The following TMEM230 variants were observed in gnomAD, a reference collection of about 807,000 sequenced individuals.
TMEM230 encodes the protein transmembrane protein 230.
TMEM230 carries 10 observed loss-of-function variants against 15.8 expected under a neutral mutation model. The observed-to-expected ratio is 0.63, with a 90% CI of 0.39 to 1.07. The LOEUF (loss-of-function observed/expected upper bound fraction) is 1.07. TMEM230 is among the 50% of genes least tolerant of loss of function. The pLI is 0.01. For missense variants in TMEM230, 165 were observed against 193.3 expected (o/e 0.85, Z 0.87); for synonymous variants, 67 against 76.9 (o/e 0.87, Z 0.68).
intron 2 of TMEM230, among the ~76,000 whole-genome samples, chr20:5,109,790 A>G (rs2090241351): frequency 2.0e-5 from 3 of 152,176 alleles, no homozygotes; most frequent in African/African-American, 7.2e-5. Flanking sequence ...AAAGTCACAT[A>G]GAGACTAGGT....
At chr20:5,088,879 G>C (rs1401546606) in intron 3 of TMEM230, among the ~76,000 whole-genome samples, 1 of 152,168 alleles carries the variant, frequency 6.6e-6, no homozygotes, top group Non-Finnish European at 1.5e-5. Flanking sequence ...CAGGTGGAAT[G>C]ATACTGTTAA....
At chr20:5,065,744 G>A (rs1267796623), downstream of TMEM230, among the ~76,000 whole-genome samples, 1 of 152,200 alleles carries the variant, frequency 6.6e-6, no homozygotes, top group African/African-American at 2.4e-5. Context: ...GAGCTCATAT[G>A]AAGGACAGGA....
chr20:5,075,921 T>C (rs112194166), intron 3 of TMEM230, among the ~76,000 whole-genome samples: 3,983 of 151,844 alleles, frequency 0.026, 162 homozygotes, highest in African/African-American at 0.088. Context: ...CTGGGCCACA[T>C]AGCAAAACAC....
At position 5,113,021 on chromosome 20, in the gene TMEM230, G is replaced by C. The variant is rs1284002570; in HGVS notation, c.8C>G (p.Pro3Arg). 9.7e-6 allele frequency: 15 copies of C among 1,548,486 alleles called. No individual in the cohort carries two copies. In the East Asian group the frequency reaches 2.0e-4, roughly 20 times the overall value. The change falls in exon 1 of 5, where the codon CCT becomes CGT. Residue 3 changes from proline to arginine, a missense_variant. Pro to Arg is a moderately radical substitution (Grantham distance 103). Transcript: ENST00000342308. ...CTCGCCCACGGTTGGCAGCGCCCAA[G>C]GTTGCATGGCATGGCCCGCTTAAGT...
At chr20:5,107,065 G>C (rs2090122682) in intron 3 of TMEM230, among the ~76,000 whole-genome samples, 1 of 152,196 alleles carries the variant, frequency 6.6e-6, no homozygotes, top group Non-Finnish European at 1.5e-5. Context: ...AATGTGGGAG[G>C]CTGAGGCAGG....
intron 3 of TMEM230, among the ~76,000 whole-genome samples, chr20:5,082,050 C>CT (rs921093760): frequency 1.8e-4 from 27 of 147,354 alleles, no homozygotes; most frequent in South Asian, 8.7e-4. Flanking sequence ...ATTTTTATGT[C>CT]TTTTTTTTTC....
intron 3 of TMEM230, among the ~76,000 whole-genome samples, chr20:5,076,712 T>C (rs7345736): frequency 0.038 from 5,449 of 144,982 alleles, 338 homozygotes; most frequent in African/African-American, 0.14. Flanking sequence ...GAGTCTTGCT[T>C]TGTTGCCCAG....
rs1600377758 is a variant in TMEM230 at position 5,100,899 on chromosome 20, A to G, written c.444T>C (p.Ile148=). ...ATCCGGGTAGGAACACCAGAATGCC[A>G]ATGATCAGCACTGGAACGGCCCGGT... The change falls in exon 5 of 5, where the codon ATT becomes ATC. Residue 148 remains isoleucine (I), a synonymous_variant. Coordinates refer to ENST00000342308, the MANE Select transcript of TMEM230 (RefSeq NM_001009923.2). The G allele has an allele frequency of 6.2e-7, 1 of 1,614,226 alleles. No individual in the cohort carries two copies. Among genetic ancestry groups the G allele is most frequent in the East Asian group, 2.2e-5 (1 of 44,890 alleles).
chr20:5,063,385 T>G (rs941021353), downstream of TMEM230, among the ~76,000 whole-genome samples: 2 of 146,396 alleles, frequency 1.4e-5, no homozygotes, highest in Non-Finnish European at 3.0e-5. Flanking sequence ...CCTCCCAGTT[T>G]CAAGCAATTC....
intron 4 of TMEM230, among the ~76,000 whole-genome samples, chr20:5,103,639 A>G (rs1478485062): frequency 6.6e-6 from 1 of 151,786 alleles, no homozygotes; most frequent in African/African-American, 2.4e-5. Flanking sequence ...TCAAAAAAAA[A>G]AAAACAAACA....
intron 3 of TMEM230, among the ~76,000 whole-genome samples, chr20:5,083,670 G>A (rs6038062): frequency 0.046 from 7,001 of 152,134 alleles, 494 homozygotes; most frequent in African/African-American, 0.16. Context: ...TAACACATTC[G>A]TTTGGATGGG....
intron 3 of TMEM230, among the ~76,000 whole-genome samples, chr20:5,085,447 C>A (rs1441857874): frequency 6.6e-6 from 1 of 152,114 alleles, no homozygotes; most frequent in East Asian, 1.9e-4. Flanking sequence ...CGCCACCATG[C>A]CCTGCTAATT....
intron 3 of TMEM230, among the ~76,000 whole-genome samples, chr20:5,088,349 CA>C (rs1233597658): frequency 6.8e-6 from 1 of 146,500 alleles, no homozygotes. Flanking sequence ...ACAATTAATT[CA>C]AACCAACCTC....
intron 4 of TMEM230, among the ~76,000 whole-genome samples, chr20:5,105,522 C>T (rs147214927): frequency 0.014 from 2,066 of 151,552 alleles, 25 homozygotes; most frequent in Middle Eastern, 0.066. Flanking sequence ...ACCTGGGAGG[C>T]GGAGGTTGCA....
At chr20:5,065,253 C>CA (rs986106311), downstream of TMEM230, among the ~76,000 whole-genome samples, 686 of 143,210 alleles carry the variant, frequency 4.8e-3, 4 homozygotes, top group African/African-American at 0.016. Flanking sequence ...CCCCATCTCT[C>CA]AAAAAAAAAA....
Position 5,106,213 on chromosome 20 carries a change from A to T in TMEM230, c.386T>A (p.Leu129Gln). 4.3e-6 allele frequency: 7 copies of T among 1,613,678 alleles called. No individual in the cohort carries two copies. Among genetic ancestry groups the T allele is most frequent in the Non-Finnish European group, 5.9e-6 (7 of 1,179,772 alleles). ...CCCTTTGCTGATGTAGCCTGACAGCAGGAGGGAGCCTATAATAATGAGAAA... is the reference window on the plus strand; with the variant it reads ...CCCTTTGCTGATGTAGCCTGACAGCTGGAGGGAGCCTATAATAATGAGAAA... The change falls in exon 4 of 5, where the codon CTG becomes CAG. Residue 129 changes from leucine to glutamine, a missense_variant. Physicochemically the swap from Leu to Gln is moderately radical, Grantham distance 113. Coordinates refer to ENST00000342308, the MANE Select transcript of TMEM230 (RefSeq NM_001009923.2).
the TMEM230 span, among the ~76,000 whole-genome samples, chr20:5,062,592 C>A: frequency 1.7e-4 from 26 of 151,980 alleles, no homozygotes; most frequent in South Asian, 5.4e-3. Flanking sequence ...CCTGTCTCTA[C>A]TAAAAACAAA....
intron 2 of TMEM230, chr20:5,111,230 A>G (rs1275924423): frequency 6.6e-6 from 1 of 151,482 alleles, no homozygotes; most frequent in African/African-American, 2.4e-5. Flanking sequence ...CTTTTCCTCC[A>G]TAAAGTAACA....
At chr20:5,112,902 GA>G in intron 1 of TMEM230, 58 bp downstream of exon 1, 2 of 1,548,624 alleles carry the variant, frequency 1.3e-6, no homozygotes, top group Non-Finnish European at 1.7e-6. Context: ...CGCGGTCTCG[GA>G]CACGCCCAGA....
Sources: gnomAD v4.1 joint callset for allele counts (sites outside exome capture counted in the v4.1 genomes callset) on GRCh38, gnomAD v4.1.1 for gene constraint, MANE v1.5 for transcripts, NCBI Gene and HGNC (gene_info 2026-07-23, HGNC 2026-07-21) for gene names.